The following RAB2B variants were observed in gnomAD, a reference collection of about 807,000 sequenced individuals.
RAB2B encodes ras-related protein Rab-2B.
Under a neutral mutation model 29.8 loss-of-function variants are expected in RAB2B, and 20 were observed. The ratio of observed to expected loss-of-function variants is 0.67; its 90% CI spans 0.47 to 0.97. The LOEUF (loss-of-function observed/expected upper bound fraction) is 0.97. Ranked by LOEUF, RAB2B falls within the 50% of genes least tolerant of loss-of-function variation. The pLI is 0.00. For missense variants in RAB2B, 218 were observed against 272.0 expected (o/e 0.80, Z 1.40); for synonymous variants, 93 against 91.7 (o/e 1.01, Z -0.08).
chr14:21,471,034 G>C (rs898274384), intron 3 of RAB2B, among the ~76,000 whole-genome samples: 2 of 149,192 alleles, frequency 1.3e-5, no homozygotes, highest in African/African-American at 2.5e-5. Flanking sequence ...ATAGGTGGGC[G>C]TGGTGGCGCA....
At chr14:21,468,773 CA>C in intron 3 of RAB2B, 21 bp from the exon 4 acceptor site, 4 of 1,479,996 alleles carry the variant, frequency 2.7e-6, no homozygotes, top group Non-Finnish European at 3.6e-6. Context: ...AACATGGCAA[CA>C]AAAAATCCCA....
At chr14:21,468,174 G>T (rs80257235) in intron 5 of RAB2B, among the ~76,000 whole-genome samples, 183 bp downstream of exon 5, 1,907 of 152,068 alleles carry the variant, frequency 0.013, 38 homozygotes, top group African/African-American at 0.043. Flanking sequence ...TAATGCTACA[G>T]GACTGTATGC....
At chr14:21,470,558 T>C (rs1267889930) in intron 3 of RAB2B, among the ~76,000 whole-genome samples, 1 of 152,110 alleles carries the variant, frequency 6.6e-6, no homozygotes, top group African/African-American at 2.4e-5. Context: ...AATCGGAAAA[T>C]AAAAACTAAT....
intron 4 of RAB2B, 54 bp downstream of exon 4, chr14:21,468,616 A>AAAG: frequency 7.1e-7 from 1 of 1,410,188 alleles, no homozygotes; most frequent in Non-Finnish European, 9.7e-7. Context: ...AAAAAAAAAA[A>AAAG]GCTTTAGAGG....
At chr14:21,474,505 A>G (rs969069316) in intron 3 of RAB2B, 4 of 213,370 alleles carry the variant, frequency 1.9e-5, no homozygotes. Context: ...AATGCATAGA[A>G]AAAGTCTGAA....
At chr14:21,462,221 GT>G (rs372639850) in intron 7 of RAB2B, 128 bp downstream of exon 7, 4 of 531,478 alleles carry the variant, frequency 7.5e-6, no homozygotes, top group South Asian at 5.0e-5. Flanking sequence ...AAAAAAAAAA[GT>G]GTTGAATTGG....
At chr14:21,476,690 G>C in intron 1 of RAB2B, 91 bp from the exon 2 acceptor site, 1 of 1,603,280 alleles carries the variant, frequency 6.2e-7, no homozygotes, top group Non-Finnish European at 8.5e-7. Context: ...GGGCTCCCGA[G>C]CCCCGCCCCC....
intron 6 of RAB2B, 44 bp from the exon 7 acceptor site, chr14:21,462,462 G>T: frequency 6.8e-7 from 1 of 1,473,634 alleles, no homozygotes; most frequent in South Asian, 1.2e-5. Flanking sequence ...AGTTCAGGTA[G>T]AGAAATGAGG....
Position 21,469,968 on chromosome 14 carries a change from T to C in RAB2B, c.187-1216A>G, listed in dbSNP as rs548175807. ...TCCCTTTTTTTTTTTCTTTTTTTTT[T>C]TGAGAGGGAGTCTCGCTCTGTTGCC... is the stretch of plus-strand genomic sequence containing the variant. On this transcript the variant is annotated intron_variant, in intron 3 of 7. Transcript: ENST00000397762. Among the ~76,000 whole-genome samples, 4 of 149,424 alleles carry C rather than the reference T, an allele frequency of 2.7e-5. No homozygotes were observed. In the East Asian group the frequency reaches 7.7e-4, roughly 29 times the overall value.
intron 3 of RAB2B, among the ~76,000 whole-genome samples, chr14:21,472,663 T>G (rs914761697): frequency 6.6e-6 from 1 of 152,220 alleles, no homozygotes; most frequent in African/African-American, 2.4e-5. Context: ...AGAAAAGAAC[T>G]AGGCCAGTTG....
intron 3 of RAB2B, among the ~76,000 whole-genome samples, chr14:21,470,243 G>A (rs1288505422): frequency 1.3e-5 from 2 of 151,992 alleles, no homozygotes; most frequent in Non-Finnish European, 1.5e-5. Context: ...ATGAGCCACC[G>A]TGCCTGGCTT....
intron 2 of RAB2B, chr14:21,476,221 GTTCATAA>G (rs1890958182): frequency 6.3e-6 from 2 of 316,054 alleles, no homozygotes; most frequent in South Asian, 1.3e-4. Flanking sequence ...GCACAGATGA[GTTCATAA>G]ATAAGCAGTT....
At chr14:21,471,468 A>C (rs560066317) in intron 3 of RAB2B, among the ~76,000 whole-genome samples, 1 of 152,036 alleles carries the variant, frequency 6.6e-6, no homozygotes, top group Admixed American at 6.6e-5. Context: ...AATACAAAAA[A>C]TTAGCCAGGT....
intron 7 of RAB2B, 116 bp downstream of exon 7, chr14:21,462,234 A>C: frequency 4.4e-6 from 3 of 688,700 alleles, no homozygotes; most frequent in Non-Finnish European, 6.7e-6. Flanking sequence ...TTGAATTGGC[A>C]GAGCTTTTAA....
chr14:21,468,292 G>C (rs1392284961), intron 5 of RAB2B, 65 bp downstream of exon 5: 1 of 1,268,180 alleles, frequency 7.9e-7, no homozygotes, highest in East Asian at 2.3e-5. Flanking sequence ...AAAGTTTGGG[G>C]ATCAATGTGC....
At chr14:21,471,866 G>T (rs1055566842) in intron 3 of RAB2B, among the ~76,000 whole-genome samples, 1 of 151,510 alleles carries the variant, frequency 6.6e-6, no homozygotes, top group Non-Finnish European at 1.5e-5. Context: ...AGTAGAGATG[G>T]GGTTTCACCA....
Position 21,459,393 on chromosome 14 carries a change from C to G in RAB2B, c.*1803G>C, listed in dbSNP as rs1890484946. On this transcript the variant is annotated 3_prime_UTR_variant, in exon 8 of 8. Coordinates refer to ENST00000397762, the MANE Select transcript of RAB2B (RefSeq NM_032846.4). The stretch of plus-strand genomic sequence containing the variant: ...GTGGGGCAGAATTACAGAGAGAGGA[C>G]TCTAAAGTCTTTTGTTTCCTTGAAA... 6.6e-6 allele frequency: 1 copy of G among 152,184 alleles called. No homozygotes were observed. The highest frequency in any genetic ancestry group is 1.5e-5 in the Non-Finnish European group (1 of 68,032). The allele number at this position is 152,184 out of a possible 1,614,324, so 9.4% of individuals were successfully genotyped here. A position where few individuals can be genotyped will look rare whatever the true frequency, so the allele number is the denominator to read the frequency against.
Position 21,468,707 on chromosome 14 carries a change from C to T in RAB2B, c.232G>A (p.Gly78Arg). ...TACACCAGCAGTGCTCCAGCTGCTCCCCTGTAGTAGGAACGGGTGATAGAA... is the reference window on the plus strand; with the variant it reads ...TACACCAGCAGTGCTCCAGCTGCTCTCCTGTAGTAGGAACGGGTGATAGAA... ...FRSITRSYYRGAAGALLVYDI... is the reference protein window; with the variant it reads ...FRSITRSYYRRAAGALLVYDI... The change falls in exon 4 of 8, where the codon GGA becomes AGA. Residue 78 changes from glycine to arginine, a missense_variant. Transcript: ENST00000397762. 6.3e-7 allele frequency: 1 copy of T among 1,579,846 alleles called. No individual in the cohort carries two copies. The highest frequency in any genetic ancestry group is 8.6e-7 in the Non-Finnish European group (1 of 1,165,104).
chr14:21,467,185 G>A (rs766428593), intron 5 of RAB2B, among the ~76,000 whole-genome samples: 18 of 151,980 alleles, frequency 1.2e-4, no homozygotes, highest in Non-Finnish European at 2.6e-4. Flanking sequence ...AGGATTACGG[G>A]CTTGAGCCAC....
Sources: allele counts gnomAD v4.1 joint callset (sites outside exome capture counted in the v4.1 genomes callset), GRCh38; gene constraint gnomAD v4.1.1; transcripts MANE v1.5; gene names NCBI Gene and HGNC (gene_info 2026-07-23, HGNC 2026-07-21).